Variants in KDM2B observed in about 807,000 individuals in gnomAD.
KDM2B encodes the protein lysine-specific demethylase 2B.
A neutral mutation model predicts 150.0 loss-of-function variants in KDM2B; 26 were observed. The observed-to-expected ratio is 0.17, with a 90% confidence interval of 0.13 to 0.24. KDM2B has a LOEUF of 0.24. KDM2B is among the 10% of genes least tolerant of loss of function. The pLI is 1.00. For synonymous variants in KDM2B, 734 were observed against 729.5 expected (o/e 1.01, Z -0.10); for missense variants, 1,265 against 1,816.9 (o/e 0.70, Z 5.52).
chr12:121,425,551 G>A (rs1872471345), downstream of KDM2B, among the ~76,000 whole-genome samples: 1 of 151,558 alleles, frequency 6.6e-6, no homozygotes, highest in Non-Finnish European at 1.5e-5. Context: ...GTGAACACCA[G>A]GAGGCAGATG....
intron 13 of KDM2B, among the ~76,000 whole-genome samples, chr12:121,448,124 G>C (rs1009730150): frequency 2.0e-5 from 3 of 151,830 alleles, no homozygotes; most frequent in Non-Finnish European, 2.9e-5. Flanking sequence ...TTTGAGACTA[G>C]CCTGGGCAAC....
intron 4 of KDM2B, among the ~76,000 whole-genome samples, chr12:121,557,630 A>G (rs1198373827): frequency 6.6e-6 from 1 of 152,190 alleles, no homozygotes; most frequent in Non-Finnish European, 1.5e-5. Flanking sequence ...CTACAAGCCA[A>G]GGCGCACTAA....
chr12:121,456,210 C>T (rs557816188), intron 12 of KDM2B, among the ~76,000 whole-genome samples: 16 of 152,196 alleles, frequency 1.1e-4, no homozygotes, highest in Non-Finnish European at 1.6e-4. Context: ...CGAAGTGCAG[C>T]GAGGGGCCCA....
downstream of KDM2B, among the ~76,000 whole-genome samples, chr12:121,426,716 C>T (rs538864645): frequency 5.3e-5 from 8 of 151,108 alleles, no homozygotes; most frequent in South Asian, 1.5e-3. Context: ...ACCTCCGCTT[C>T]CCAGGTTCAA....
chr12:121,458,369 T>C (rs1348383532), intron 12 of KDM2B, among the ~76,000 whole-genome samples: 1 of 152,010 alleles, frequency 6.6e-6, no homozygotes, highest in African/African-American at 2.4e-5. Flanking sequence ...AATAAAACCT[T>C]GTCTCAAAAA....
In KDM2B at chr12:121,521,289, C is replaced by A. The variant is rs374361281; in HGVS notation, c.932-189G>T. Among the ~76,000 whole-genome samples, 5 of 152,348 alleles carry A rather than the reference C, an allele frequency of 3.3e-5. No individual in the cohort carries two copies. The highest frequency in any genetic ancestry group is 9.6e-5 in the African/African-American group (4 of 41,582). The stretch of plus-strand genomic sequence containing the variant: ...GCCCAGGCCTGAGCCGCCGAGAGGA[C>A]TCAGACTTGCAGCCTCGAGCAGCCA... On this transcript the variant is annotated intron_variant, in intron 8 of 22. Coordinates refer to ENST00000377071, the MANE Select transcript of KDM2B (RefSeq NM_032590.5). This position sits in a 1 kb window ranked among gnomAD's most constrained non-coding sequence, Gnocchi z 4.9.
chr12:121,477,970 T>C (rs893964425), intron 12 of KDM2B, among the ~76,000 whole-genome samples: 1 of 152,034 alleles, frequency 6.6e-6, no homozygotes, highest in Non-Finnish European at 1.5e-5. Flanking sequence ...CTTGAACTCC[T>C]GAGCTCAAGG....
At chr12:121,428,270 G>A (rs911737325), downstream of KDM2B, among the ~76,000 whole-genome samples, 3 of 151,990 alleles carry the variant, frequency 2.0e-5, no homozygotes, top group African/African-American at 7.3e-5. Flanking sequence ...TCAGCTCACT[G>A]CAACCTCCGT....
intron 11 of KDM2B, among the ~76,000 whole-genome samples, chr12:121,508,796 C>T (rs1053190377): frequency 3.3e-5 from 5 of 152,218 alleles, no homozygotes; most frequent in African/African-American, 7.2e-5. Context: ...CCAAACTGCA[C>T]GCAGCTACAT....
intron 6 of KDM2B, among the ~76,000 whole-genome samples, chr12:121,547,705 A>G (rs1173889105): frequency 2.9e-5 from 4 of 138,532 alleles, no homozygotes; most frequent in African/African-American, 8.2e-5. Context: ...GCTGGAGTGC[A>G]GTGGCTCAAT....
chr12:121,435,067 C>T (rs548502167), intron 22 of KDM2B, among the ~76,000 whole-genome samples: 14 of 147,732 alleles, frequency 9.5e-5, no homozygotes, highest in Admixed American at 6.8e-4. Context: ...GGTGCAGTGG[C>T]TCATGCCTGT....
chr12:121,486,201 C>T (rs1378008799), intron 12 of KDM2B, among the ~76,000 whole-genome samples: 2 of 150,970 alleles, frequency 1.3e-5, no homozygotes, highest in South Asian at 2.1e-4. Flanking sequence ...CTCCACCTCC[C>T]GGGTTCAAGC....
intron 9 of KDM2B, chr12:121,516,495 G>A (rs1346871752): frequency 1.3e-5 from 18 of 1,376,852 alleles, no homozygotes; most frequent in Non-Finnish European, 1.5e-5. Flanking sequence ...TCCACCCTTC[G>A]CCTTCAAAAG....
At chr12:121,577,759 G>A (rs1281984826) in intron 2 of KDM2B, among the ~76,000 whole-genome samples, 2 of 152,220 alleles carry the variant, frequency 1.3e-5, no homozygotes, top group Non-Finnish European at 2.9e-5. Context: ...GAAAAGGAGT[G>A]AAGGGCCTGG....
intron 1 of KDM2B, 177 bp downstream of exon 1, chr12:121,580,609 G>A: frequency 9.3e-7 from 1 of 1,070,890 alleles, no homozygotes; most frequent in East Asian, 2.8e-5. Context: ...GGGGAGGGAG[G>A]TGCAGATTTG....
At chr12:121,548,581 C>T (rs1212181619) in intron 6 of KDM2B, among the ~76,000 whole-genome samples, 9 of 152,346 alleles carry the variant, frequency 5.9e-5, no homozygotes, top group Admixed American at 5.9e-4. Context: ...CCCTTGCGTA[C>T]AGACACACAC....
At chr12:121,449,195 C>T (rs1876802114) in intron 13 of KDM2B, among the ~76,000 whole-genome samples, 1 of 135,244 alleles carries the variant, frequency 7.4e-6, no homozygotes, top group South Asian at 2.3e-4. Flanking sequence ...GGGCTTGGGG[C>T]GCATGTGGGG....
Position 121,453,726 on chromosome 12 carries a change from C to T in KDM2B, c.1735-382G>A, listed in dbSNP as rs1877735591. On this transcript the variant is annotated intron_variant, in intron 12 of 22. Coordinates refer to ENST00000377071, the MANE Select transcript of KDM2B (RefSeq NM_032590.5). The surrounding 1 kb of genome is among the most constrained non-coding windows in gnomAD (Gnocchi z 6.4). The stretch of plus-strand genomic sequence containing the variant: ...AGCTGGAGGCGCGGGGAAGGACCCT[C>T]CCCTAGAGCCCGCAGAGCCAGCCCG... Among the ~76,000 whole-genome samples, 1 of 152,162 alleles carries T rather than the reference C, an allele frequency of 6.6e-6. No individual in the cohort carries two copies. The highest frequency in any genetic ancestry group is 1.5e-5 in the Non-Finnish European group (1 of 68,016).
At chr12:121,440,624 G>T in intron 21 of KDM2B, 192 bp downstream of exon 21, 3 of 570,704 alleles carry the variant, frequency 5.3e-6, no homozygotes, top group Non-Finnish European at 6.1e-6. Flanking sequence ...CCCCAGGAGC[G>T]AGTCTCACGT....
Sources: gnomAD v4.1 joint callset for allele counts (sites outside exome capture counted in the v4.1 genomes callset) on GRCh38, gnomAD v4.1.1 for gene constraint, Gnocchi (gnomAD v3.1) non-coding constraint, MANE v1.5 for transcripts, NCBI Gene and HGNC (gene_info 2026-07-23, HGNC 2026-07-21) for gene names.